The following MEP1B variants were observed in gnomAD, a reference collection of about 807,000 sequenced individuals.
MEP1B encodes N-benzoyl-L-tyrosyl-P-amino-benzoic acid hydrolase subunit beta.
MEP1B carries 80 observed loss-of-function variants against 84.6 expected under a neutral mutation model. The observed-to-expected ratio is 0.95, with a 90% CI of 0.79 to 1.14. The LOEUF (loss-of-function observed/expected upper bound fraction) is 1.14. Among genes scored for constraint, MEP1B ranks in the 50% most tolerant of loss-of-function variants. The probability of loss-of-function intolerance (pLI) is 0.00; values close to 1 mark genes in which losing one functional copy is unlikely to be tolerated. For missense variants in MEP1B, 766 were observed against 855.1 expected (o/e 0.90, Z 1.30); for synonymous variants, 273 against 288.1 (o/e 0.95, Z 0.53).
At chr18:32,215,994 A>C (rs78577900) in intron 12 of MEP1B, among the ~76,000 whole-genome samples, 1 of 15,566 alleles carries the variant, frequency 6.4e-5, no homozygotes, top group Non-Finnish European at 1.3e-4. Context: ...ATATATATAT[A>C]TATATATATA....
At chr18:32,216,674 T>C (rs1046195214) in intron 12 of MEP1B, among the ~76,000 whole-genome samples, 1 of 152,180 alleles carries the variant, frequency 6.6e-6, no homozygotes, top group Non-Finnish European at 1.5e-5. Flanking sequence ...CCTATGAATG[T>C]TGCTAGACTG....
At chr18:32,218,687 C>G (rs543603323) in intron 14 of MEP1B, among the ~76,000 whole-genome samples, 2 of 152,200 alleles carry the variant, frequency 1.3e-5, no homozygotes, top group East Asian at 3.9e-4. Context: ...AGGCCTCAGC[C>G]CATCCTTCAG....
At chr18:32,213,606 G>A (rs1384329208) in intron 11 of MEP1B, 47 bp downstream of exon 11, 3 of 1,420,020 alleles carry the variant, frequency 2.1e-6, no homozygotes, top group Non-Finnish European at 2.9e-6. Context: ...CATTGCTCTA[G>A]GAGGGACTGA....
At chr18:32,195,346 C>T in intron 4 of MEP1B, 61 bp from the exon 5 acceptor site, 5 of 1,027,860 alleles carry the variant, frequency 4.9e-6, no homozygotes, top group South Asian at 1.4e-5. Context: ...AGATTAACTA[C>T]AGGTTTCCTA....
At chr18:32,192,593 C>A in intron 2 of MEP1B, 53 bp from the exon 3 acceptor site, 1 of 1,532,544 alleles carries the variant, frequency 6.5e-7, no homozygotes, top group Middle Eastern at 2.1e-4. Flanking sequence ...TAAAGGTTTT[C>A]TCCTTTTATA....
chr18:32,218,523 A>G (rs1214165472), intron 14 of MEP1B, among the ~76,000 whole-genome samples: 1 of 152,230 alleles, frequency 6.6e-6, no homozygotes, highest in African/African-American at 2.4e-5. Flanking sequence ...TCCTGAAACG[A>G]TCCTGTTTCC....
chr18:32,196,381 T>C lies in MEP1B; in HGVS notation c.250+896T>C, dbSNP rs1333227231. The C allele has an allele frequency of 2.9e-6, 2 of 699,704 alleles. No homozygotes were observed. Among genetic ancestry groups the C allele is most frequent in the Non-Finnish European group, 2.7e-6 (1 of 377,186 alleles). 43.3% of individuals were successfully genotyped at this position (699,704 alleles called of 1,614,324 possible). ...CAGCTGGGTCAGGCACTTGAGGTACTCAGAGCTCTCCTTGGTCTTCTCCTG... is the reference window on the plus strand; with the variant it reads ...CAGCTGGGTCAGGCACTTGAGGTACCCAGAGCTCTCCTTGGTCTTCTCCTG... On this transcript the variant is annotated intron_variant, in intron 5 of 14. Transcript: ENST00000269202. This position sits in a 1 kb window ranked among gnomAD's most constrained non-coding sequence, Gnocchi z 4.4.
intron 5 of MEP1B, 120 bp downstream of exon 5, chr18:32,195,605 TGG>T (rs1481790227): frequency 1.7e-6 from 1 of 601,200 alleles, no homozygotes; most frequent in Non-Finnish European, 2.8e-6. Context: ...CTCCTTTGTG[TGG>T]CTATGTACAT....
At chr18:32,207,987 C>T in intron 8 of MEP1B, 132 bp from the exon 9 acceptor site, 1 of 854,922 alleles carries the variant, frequency 1.2e-6, no homozygotes, top group Non-Finnish European at 1.8e-6. Context: ...CTTTAAGCCA[C>T]CATCATCCAG....
rs374510355 is a variant in MEP1B at position 32,195,625 on chromosome 18, G to GA, written c.250+150dup. On this transcript the variant is annotated intron_variant, in intron 5 of 14. Coordinates refer to ENST00000269202, the MANE Select transcript of MEP1B (RefSeq NM_005925.3). ...TTGTGTGGCTATGTACATTTACTTTGAAAAAAAAAATAAGCAAAACGAACA... is the reference window on the plus strand; with the variant it reads ...TTGTGTGGCTATGTACATTTACTTTGAAAAAAAAAAATAAGCAAAACGAACA... 4,406 of 452,914 alleles carry GA rather than the reference G, an allele frequency of 9.7e-3. 9 individuals are homozygous for GA. Among genetic ancestry groups the GA allele is most frequent in the African/African-American group, 0.014 (690 of 49,002 alleles). 28.1% of individuals were successfully genotyped at this position (452,914 alleles called of 1,614,324 possible).
At position 32,213,323 on chromosome 18, in the gene MEP1B, T is replaced by G; in HGVS notation, c.1343T>G (p.Leu448Arg). 6.2e-7 allele frequency: 1 copy of G among 1,613,938 alleles called. No homozygotes were observed. The highest frequency in any genetic ancestry group is 8.5e-7 in the Non-Finnish European group (1 of 1,179,834). ...TQFIGSPNGT[L>R]YSPPFYSSKG... ...TTCATTGGCAGCCCAAATGGAACTC[T>G]GTATAGCCCTCCATTTTACTCTTCT... The change falls in exon 11 of 15, where the codon CTG (leucine) becomes CGG (arginine). Residue 448 changes from leucine (L) to arginine (R), a missense_variant. By Grantham distance (102) the Leu-to-Arg change is moderately radical. Transcript: ENST00000269202.
At position 32,195,902 on chromosome 18, in the gene MEP1B, G is replaced by A. The variant is rs149767879; in HGVS notation, c.250+417G>A. On this transcript the variant is annotated intron_variant, in intron 5 of 14. Transcript: ENST00000269202. Reference sequence around the variant, plus strand: ...ATGCTCTGCTGGGGGTGCAGTGAGGGTGAAACATGGAAGAAGAGGGCCTTG... The same window carrying A: ...ATGCTCTGCTGGGGGTGCAGTGAGGATGAAACATGGAAGAAGAGGGCCTTG... 332 of 254,058 alleles carry A rather than the reference G, an allele frequency of 1.3e-3. 2 individuals are homozygous for A. Among genetic ancestry groups the A allele is most frequent in the African/African-American group, 7.0e-3 (308 of 43,898 alleles). 15.7% of individuals were successfully genotyped at this position (254,058 alleles called of 1,614,324 possible). A position where few individuals can be genotyped will look rare whatever the true frequency, so the allele number is the denominator to read the frequency against.
chr18:32,198,841 A>G (rs7233927), intron 5 of MEP1B, among the ~76,000 whole-genome samples: 57,622 of 151,988 alleles, frequency 0.38, 11,294 homozygotes, highest in African/African-American at 0.47. Flanking sequence ...TAAAAAGAAG[A>G]TAGGGAGACC....
chr18:32,213,147 T>G lies in MEP1B; in HGVS notation c.1167T>G (p.His389Gln), dbSNP rs150721615. 1 of 1,613,806 alleles carries G rather than the reference T, an allele frequency of 6.2e-7. No individual in the cohort carries two copies. Among genetic ancestry groups the G allele is most frequent in the African/African-American group, 1.3e-5 (1 of 74,940 alleles). Residue 389 changes from histidine (H) to glutamine (Q), a missense_variant, in exon 11 of 15, where the codon CAT becomes CAG. Coordinates refer to ENST00000269202, the MANE Select transcript of MEP1B (RefSeq NM_005925.3). Reference protein sequence around the residue: ...EIPTGSWQLYHVTLKVTKKFR... With the variant: ...EIPTGSWQLYQVTLKVTKKFR... ...CCACTGGGAGCTGGCAACTTTATCATGTAACATTGAAAGTGACCAAGAAGT... is the reference window on the plus strand; with the variant it reads ...CCACTGGGAGCTGGCAACTTTATCAGGTAACATTGAAAGTGACCAAGAAGT...
intron 14 of MEP1B, among the ~76,000 whole-genome samples, chr18:32,219,771 A>G (rs1375827601): frequency 1.3e-5 from 2 of 152,106 alleles, no homozygotes; most frequent in Non-Finnish European, 2.9e-5. Context: ...CCATGACAGT[A>G]TTAGAGACAT....
chr18:32,203,778 C>G (rs2040935970), intron 6 of MEP1B, among the ~76,000 whole-genome samples: 1 of 152,050 alleles, frequency 6.6e-6, no homozygotes, highest in South Asian at 2.1e-4. Flanking sequence ...AGCTTATAAT[C>G]ATAGTGGAAG....
rs1378064580 is a variant in MEP1B, at chr18:32,206,952, G to A, written c.548-300G>A. On this transcript the variant is annotated intron_variant, in intron 7 of 14. Transcript: ENST00000269202. ...GATGAGGTCTCACTTTGTTGCCCAGGCTGGTTAGCAGCACTTTCTAGAATC... is the reference window on the plus strand; with the variant it reads ...GATGAGGTCTCACTTTGTTGCCCAGACTGGTTAGCAGCACTTTCTAGAATC... Among the ~76,000 whole-genome samples the A allele has an allele frequency of 5.3e-5, 8 of 152,148 alleles. No individual in the cohort carries two copies. In the South Asian group the frequency reaches 1.7e-3, roughly 32 times the overall value.
rs1487923898 is a variant in MEP1B at position 32,196,471 on chromosome 18, C to T, written c.250+986C>T. ...GCCCTTCCTTCTGGTGCTGCAGGGC[C>T]GACCGGAAACTCAGCTTTGCTCTCA... On this transcript the variant is annotated intron_variant, in intron 5 of 14. Transcript: ENST00000269202. The surrounding 1 kb of genome is among the most constrained non-coding windows in gnomAD (Gnocchi z 4.4). 8.6e-6 allele frequency: 6 copies of T among 693,978 alleles called. No individual in the cohort carries two copies. Among genetic ancestry groups the T allele is most frequent in the African/African-American group, 1.8e-5 (1 of 56,966 alleles). 43.0% of individuals were successfully genotyped at this position (693,978 alleles called of 1,614,324 possible). A position where few individuals can be genotyped will look rare whatever the true frequency, so the allele number is the denominator to read the frequency against.
intron 11 of MEP1B, among the ~76,000 whole-genome samples, chr18:32,214,791 C>T (rs754617155): frequency 8.5e-5 from 13 of 152,064 alleles, no homozygotes; most frequent in Non-Finnish European, 1.8e-4. Context: ...CTATACTGGC[C>T]AATAAGTAAA....
Sources: gnomAD v4.1 joint callset for allele counts (sites outside exome capture counted in the v4.1 genomes callset) on GRCh38, gnomAD v4.1.1 for gene constraint, Gnocchi (gnomAD v3.1) non-coding constraint, MANE v1.5 for transcripts, NCBI Gene and HGNC (gene_info 2026-07-23, HGNC 2026-07-21) for gene names.